NEB: variants seen among roughly 807,000 people sequenced by gnomAD.
NEB encodes nebulin, also known as nemaline myopathy type 2.
In NEB, 512 loss-of-function variants were observed where a neutral mutation model predicts 952.2. The ratio of observed to expected loss-of-function variants is 0.54; its 90% CI spans 0.50 to 0.58. The LOEUF (loss-of-function observed/expected upper bound fraction) is 0.58, where lower values mean the gene tolerates loss of function less well. Ranked by LOEUF, NEB falls within the 20% of genes least tolerant of loss-of-function variation. The pLI is 0.00. For synonymous variants in NEB, 2,900 were observed against 3,149.8 expected (o/e 0.92, Z 2.66); for missense variants, 8,428 against 9,231.1 (o/e 0.91, Z 3.56).
At chr2:151,641,491 T>A (rs1397712351) in intron 60 of NEB, among the ~76,000 whole-genome samples, 1 of 152,164 alleles carries the variant, frequency 6.6e-6, no homozygotes, top group Non-Finnish European at 1.5e-5. Flanking sequence ...CCATCACACC[T>A]GGCTAATTTT....
chr2:151,565,510 A>T lies in NEB; in HGVS notation c.18357T>A (p.Asn6119Lys), dbSNP rs2096322077. The T allele has an allele frequency of 6.3e-7, 1 of 1,585,334 alleles. No homozygotes were observed. Among genetic ancestry groups the T allele is most frequent in the Non-Finnish European group, 8.6e-7 (1 of 1,156,772 alleles). ...EIVLAKINSV[N>K]QSDVKYKETF... ...CACAAAGCAAACTTACATCACTTTG[A>T]TTGACAGAATTAATCTTGGCTAAAA... The change falls in exon 116 of 182, where the codon AAT (asparagine) becomes AAA (lysine). Residue 6119 changes from asparagine (N) to lysine (K), a missense_variant. By Grantham distance (94) the Asn-to-Lys change is moderately conservative (BLOSUM62 0). This residue lies in a region of NEB where 3,374 missense variants were observed against 3,651.5 expected (regional missense o/e 0.92). Coordinates refer to ENST00000397345, the MANE Select transcript of NEB (RefSeq NM_001164508.2).
intron 12 of NEB, among the ~76,000 whole-genome samples, chr2:151,707,350 T>C (rs1378654700): frequency 6.6e-6 from 1 of 152,168 alleles, no homozygotes; most frequent in Non-Finnish European, 1.5e-5. Context: ...TCATGCATAA[T>C]GTCCCAGATA....
chr2:151,493,952 G>A (rs1224344409), intron 174 of NEB, 85 bp from the exon 175 acceptor site: 17 of 1,001,838 alleles, frequency 1.7e-5, no homozygotes, highest in Non-Finnish European at 2.5e-5. Flanking sequence ...GAAATGTTAT[G>A]TTTAATCTAT....
chr2:151,575,256 G>A (rs149160541), intron 107 of NEB, among the ~76,000 whole-genome samples: 4 of 151,750 alleles, frequency 2.6e-5, no homozygotes, highest in Admixed American at 2.6e-4. Context: ...TATGTTTTTT[G>A]GTTTTTTCTC....
intron 101 of NEB, among the ~76,000 whole-genome samples, chr2:151,583,029 G>C (rs1388273513): frequency 9.2e-6 from 1 of 108,964 alleles, no homozygotes; most frequent in African/African-American, 3.0e-5. Flanking sequence ...AGGAGGTAAA[G>C]AACCTTAGAT....
At chr2:151,695,546 A>T (rs1173741380) in intron 18 of NEB, 32 bp downstream of exon 18, 1 of 1,494,710 alleles carries the variant, frequency 6.7e-7, no homozygotes, top group East Asian at 2.3e-5. Flanking sequence ...GGTTGTCAGT[A>T]CATCACATGG....
At position 151,614,544 on chromosome 2, in the gene NEB, A is replaced by G. The variant is rs200270156; in HGVS notation, c.11333T>C (p.Ile3778Thr). Residue 3778 changes from isoleucine (I) to threonine (T), a missense_variant, in exon 77 of 182, where the codon ATT (isoleucine) becomes ACT (threonine). This residue lies in a region of NEB where 1,772 missense variants were observed against 1,960.3 expected (regional missense o/e 0.90). Transcript: ENST00000397345. ...GTCATCCTTAATGTTCCGGGCCCCA[A>G]TATGGTGGCCAAGCTGTTTGCGGTA... ...EGYRKQLGHHIGARNIKDDPK... is the reference protein window; with the variant it reads ...EGYRKQLGHHTGARNIKDDPK... 8.7e-5 allele frequency: 140 copies of G among 1,613,764 alleles called. 1 individual carries two copies. Among genetic ancestry groups the G allele is most frequent in the Admixed American group, 1.2e-4 (7 of 59,976 alleles).
At chr2:151,729,010 T>C (rs1296352236) in intron 4 of NEB, among the ~76,000 whole-genome samples, 1 of 151,806 alleles carries the variant, frequency 6.6e-6, no homozygotes, top group East Asian at 1.9e-4. Context: ...CTGTTTGTCA[T>C]GCTCAAAGAG....
At chr2:151,725,373 C>T (rs1468137104) in intron 6 of NEB, 80 bp downstream of exon 6, 1 of 1,109,750 alleles carries the variant, frequency 9.0e-7, no homozygotes, top group African/African-American at 1.6e-5. Context: ...ATTCTCACAG[C>T]ACATATTTAG....
At chr2:151,708,769 A>G (rs1015212717) in intron 12 of NEB, among the ~76,000 whole-genome samples, 8 of 152,186 alleles carry the variant, frequency 5.3e-5, no homozygotes, top group Admixed American at 2.6e-4. Flanking sequence ...CTGTCCTCCA[A>G]AAAAATTACC....
Position 151,514,478 on chromosome 2 carries a change from T to A in NEB, c.23017-50A>T. The stretch of plus-strand genomic sequence containing the variant: ...ACATTGACAAGAAAGCCCAGATTGA[T>A]TCTCTCAGGCAAAGAAGAAAATAAA... On this transcript the variant is annotated intron_variant, in intron 158 of 181. Transcript: ENST00000397345. 2.2e-6 allele frequency: 3 copies of A among 1,357,002 alleles called. No homozygotes were observed. In the South Asian group the frequency reaches 3.5e-5, roughly 16 times the overall value. 84.1% of individuals were successfully genotyped at this position (1,357,002 alleles called of 1,614,324 possible).
At chr2:151,630,849 A>T in intron 66 of NEB, 30 bp from the exon 67 acceptor site, 2 of 1,509,594 alleles carry the variant, frequency 1.3e-6, no homozygotes, top group Middle Eastern at 1.7e-4. Flanking sequence ...GCTGATTAAA[A>T]ATCATTTGAA....
rs565924213 is a variant in NEB at position 151,631,227 on chromosome 2, C to T, written c.9534G>A (p.Gln3178=). The change falls in exon 66 of 182, where the codon CAG becomes CAA. Residue 3178 remains glutamine (Q), a synonymous_variant. Transcript: ENST00000397345. The part of the protein sequence containing the change: ...TEILSDNIYR[Q]PPDKLKFTSV... Reference sequence around the variant, plus strand: ...TGGTAAATTTCAGCTTGTCCGGAGGCTGGCGGTAGATGTTATCACTCAGTA... The same window carrying T: ...TGGTAAATTTCAGCTTGTCCGGAGGTTGGCGGTAGATGTTATCACTCAGTA... 6.2e-7 allele frequency: 1 copy of T among 1,613,944 alleles called. No individual in the cohort carries two copies. The highest frequency in any genetic ancestry group is 1.7e-5 in the Admixed American group (1 of 60,018).
At chr2:151,495,115 A>T (rs2059351655) in intron 173 of NEB, 1 of 152,216 alleles carries the variant, frequency 6.6e-6, no homozygotes, top group African/African-American at 2.4e-5. Flanking sequence ...CATTCAGCTT[A>T]TCATTAAGGA....
At chr2:151,502,937 T>A in intron 166 of NEB, 52 bp from the exon 167 acceptor site, 1 of 1,133,670 alleles carries the variant, frequency 8.8e-7, no homozygotes, top group Non-Finnish European at 1.3e-6. Flanking sequence ...GCACAGAGAG[T>A]AAGGAAGGAA....
chr2:151,727,821 G>T lies in NEB; in HGVS notation c.164C>A (p.Pro55Gln). 1 of 1,613,636 alleles carries T rather than the reference G, an allele frequency of 6.2e-7. No homozygotes were observed. The highest frequency in any genetic ancestry group is 8.5e-7 in the Non-Finnish European group (1 of 1,179,752). The change falls in exon 5 of 182, where the codon CCA becomes CAA. Residue 55 changes from proline (P) to glutamine (Q), a missense_variant. Coordinates refer to ENST00000397345, the MANE Select transcript of NEB (RefSeq NM_001164508.2). Reference sequence around the variant, plus strand: ...TGCTGATGCTGGCTGTGCCAGTGCTGGCTGTGCCAGAGCTGGTTTGGAAGT... The same window carrying T: ...TGCTGATGCTGGCTGTGCCAGTGCTTGCTGTGCCAGAGCTGGTTTGGAAGT... ...SETSKPALAQ[P>Q]ALAQPASAKP...
chr2:151,553,723 G>C, intron 126 of NEB, 105 bp downstream of exon 126: 1 of 1,137,814 alleles, frequency 8.8e-7, no homozygotes, highest in Non-Finnish European at 1.2e-6. Flanking sequence ...ATAGGGAAGA[G>C]ATAGTGGAAA....
intron 4 of NEB, among the ~76,000 whole-genome samples, chr2:151,729,158 A>G (rs1022041131): frequency 1.3e-5 from 2 of 152,198 alleles, no homozygotes; most frequent in East Asian, 1.9e-4. Flanking sequence ...ATTTCAATGC[A>G]TCATCAGGGA....
At chr2:151,534,378 GTC>G in intron 142 of NEB, 1 of 1,461,466 alleles carries the variant, frequency 6.8e-7, no homozygotes, top group Non-Finnish European at 9.5e-7. Context: ...ACACAAAAAT[GTC>G]TCAAGGTAAA....
Sources: allele counts gnomAD v4.1 joint callset (sites outside exome capture counted in the v4.1 genomes callset), GRCh38; gene constraint gnomAD v4.1.1; regional missense constraint gnomAD v4.1.1; transcripts MANE v1.5; gene names NCBI Gene and HGNC (gene_info 2026-07-23, HGNC 2026-07-21).